PRMT7: variants seen among roughly 807,000 people sequenced by gnomAD.
PRMT7 encodes protein arginine N-methyltransferase 7.
In PRMT7, 75 loss-of-function variants were observed where a neutral mutation model predicts 85.4. The observed-to-expected ratio is 0.88, with a 90% CI of 0.73 to 1.06. PRMT7 has a LOEUF of 1.06. Among genes scored for constraint, PRMT7 ranks in the 50% least tolerant of loss-of-function variants. PRMT7 has a pLI of 0.00. For synonymous variants in PRMT7, 397 were observed against 359.5 expected (o/e 1.10, Z -1.18); for missense variants, 868 against 915.2 (o/e 0.95, Z 0.67).
chr16:68,349,112 A>G (rs1406704689), intron 14 of PRMT7, among the ~76,000 whole-genome samples: 1 of 152,138 alleles, frequency 6.6e-6, no homozygotes, highest in Non-Finnish European at 1.5e-5. Context: ...TGCTTCTGCC[A>G]GCAACCTCGT....
At chr16:68,347,354 G>A in intron 12 of PRMT7, 60 bp downstream of exon 12, 1 of 1,454,940 alleles carries the variant, frequency 6.9e-7, no homozygotes, top group Admixed American at 2.4e-5. Flanking sequence ...AGCATTGCGT[G>A]GTCCGGGTGC....
At chr16:68,348,625 A>G (rs1472301722) in intron 14 of PRMT7, among the ~76,000 whole-genome samples, 194 bp downstream of exon 14, 28 of 137,708 alleles carry the variant, frequency 2.0e-4, no homozygotes, top group African/African-American at 7.5e-4. Flanking sequence ...AGATGGTTGC[A>G]CTGCTCTTTT....
intron 13 of PRMT7, among the ~76,000 whole-genome samples, chr16:68,347,920 T>G (rs1187830227): frequency 2.0e-5 from 3 of 152,254 alleles, no homozygotes; most frequent in African/African-American, 4.8e-5. Context: ...TTTTCCTCAC[T>G]TCACATAAGC....
Position 68,353,536 on chromosome 16 carries a change from C to T in PRMT7, c.1620C>T (p.Phe540=), listed in dbSNP as rs772557536. Residue 540 remains phenylalanine, a synonymous_variant, in exon 16 of 19, where the codon TTC becomes TTT. Transcript: ENST00000441236. ...IRSPCGDCEG[F]DVHIMDDMIK... is the part of the protein sequence containing the mutation. ...GCCCCTGTGGTGACTGCGAAGGCTTCGACGTGCACATCATGGACGACATGA... is the reference window on the plus strand; with the variant it reads ...GCCCCTGTGGTGACTGCGAAGGCTTTGACGTGCACATCATGGACGACATGA... The T allele has an allele frequency of 4.4e-5, 70 of 1,601,128 alleles. No homozygotes were observed. The highest frequency in any genetic ancestry group is 5.7e-5 in the Non-Finnish European group (67 of 1,174,180).
intron 2 of PRMT7, among the ~76,000 whole-genome samples, chr16:68,314,681 T>C (rs1336397586): frequency 6.6e-6 from 1 of 152,222 alleles, no homozygotes; most frequent in African/African-American, 2.4e-5. Context: ...GATGCACCAA[T>C]GTTTAACAAG....
At chr16:68,338,859 G>A (rs1224970659) in intron 7 of PRMT7, among the ~76,000 whole-genome samples, 2 of 152,160 alleles carry the variant, frequency 1.3e-5, no homozygotes, top group East Asian at 3.9e-4. Context: ...GCCGGACAAG[G>A]AGCCGGAGCC....
intron 14 of PRMT7, among the ~76,000 whole-genome samples, chr16:68,349,210 G>A (rs890204796): frequency 6.6e-5 from 10 of 152,080 alleles, no homozygotes; most frequent in Non-Finnish European, 1.2e-4. Flanking sequence ...TGGGGAGGTC[G>A]CTTTCCCCTC....
chr16:68,356,660 C>CT lies in PRMT7; in HGVS notation c.1812-39dup, dbSNP rs760728253. ...AGCTGCAGCTGTTCCCCCGCTGCCT[C>CT]TTGTGTGACTACTTCTGCTGGGCCC... On this transcript the variant is annotated intron_variant, in intron 17 of 18. Transcript: ENST00000441236. 5.9e-6 allele frequency: 9 copies of CT among 1,521,880 alleles called. No individual in the cohort carries two copies. The African/African-American group carries it at 1.2e-4, about 21-fold the overall frequency. 94.3% of individuals were successfully genotyped at this position (1,521,880 alleles called of 1,614,324 possible).
chr16:68,337,005 G>C (rs2084791868), intron 6 of PRMT7, among the ~76,000 whole-genome samples: 2 of 152,224 alleles, frequency 1.3e-5, no homozygotes, highest in East Asian at 3.9e-4. Context: ...CTCCTGCCTT[G>C]GCCTCCCAAA....
intron 3 of PRMT7, among the ~76,000 whole-genome samples, chr16:68,319,711 A>AGTGTGTGT (rs369478826): frequency 0.019 from 2,667 of 141,522 alleles, 44 homozygotes; most frequent in Middle Eastern, 0.042. Context: ...TAAGAGTGAG[A>AGTGTGTGT]GTGTGTGTGT....
intron 12 of PRMT7, 43 bp from the exon 13 acceptor site, chr16:68,347,588 T>A (rs1367333616): frequency 6.3e-7 from 1 of 1,584,472 alleles, no homozygotes; most frequent in South Asian, 1.1e-5. Context: ...TTCTTCTCTG[T>A]TAAGTGAATA....
At position 68,339,526 on chromosome 16, in the gene PRMT7, G is replaced by T. The variant is rs144242458; in HGVS notation, c.709G>T (p.Asp237Tyr). Residue 237 changes from aspartate to tyrosine, a missense_variant, in exon 8 of 19, where the codon GAC becomes TAC. Coordinates refer to ENST00000441236, the MANE Select transcript of PRMT7 (RefSeq NM_019023.5). ...TCAGCTGAACCAGGTGTCACCAGCC[G>T]ACTTTACAGTCCTCAGCGATGTGCT... ...DIQLNQVSPADFTVLSDVLPM... is the reference protein window; with the variant it reads ...DIQLNQVSPAYFTVLSDVLPM... The T allele has an allele frequency of 1.2e-6, 2 of 1,614,080 alleles. No individual in the cohort carries two copies. The highest frequency in any genetic ancestry group is 1.7e-6 in the Non-Finnish European group (2 of 1,180,046).
At chr16:68,346,508 G>T (rs761209716) in intron 11 of PRMT7, among the ~76,000 whole-genome samples, 1 of 152,100 alleles carries the variant, frequency 6.6e-6, no homozygotes, top group African/African-American at 2.4e-5. Context: ...CTCTGGCTGG[G>T]CTCCTGCTGG....
At chr16:68,356,837 T>C (rs2088630964) in intron 18 of PRMT7, 40 bp downstream of exon 18, 3 of 1,566,624 alleles carry the variant, frequency 1.9e-6, no homozygotes, top group Non-Finnish European at 2.6e-6. Flanking sequence ...GTGCAGACCC[T>C]GAGAGCAGGC....
Position 68,333,156 on chromosome 16 carries a change from C to G in PRMT7, c.391+3982C>G, listed in dbSNP as rs541269193. Among the ~76,000 whole-genome samples the G allele has an allele frequency of 7.2e-5, 11 of 152,236 alleles. No individual in the cohort carries two copies. In the East Asian group the frequency reaches 1.9e-3, roughly 27 times the overall value. ...CACAGGCAGGCGCCACCATACCCAA[C>G]TAATTTTTTTGTTTTTTTAAATTTT... On this transcript the variant is annotated intron_variant, in intron 6 of 18. Coordinates refer to ENST00000441236, the MANE Select transcript of PRMT7 (RefSeq NM_019023.5).
intron 4 of PRMT7, 160 bp downstream of exon 4, chr16:68,321,622 C>G: frequency 3.3e-6 from 2 of 614,148 alleles, no homozygotes; most frequent in Admixed American, 6.6e-5. Flanking sequence ...CTACTTCTGG[C>G]TCTATTTTTG....
In PRMT7 at chr16:68,316,492, G is replaced by A. The variant is rs191893534; in HGVS notation, c.95+418G>A. 4.3e-3 allele frequency among the ~76,000 whole-genome samples: 659 copies of A among 152,076 alleles called. 7 individuals carry two copies. Among genetic ancestry groups the A allele is most frequent in the African/African-American group, 0.016 (644 of 41,492 alleles). On this transcript the variant is annotated intron_variant, in intron 3 of 18. Transcript: ENST00000441236. ...AAAGTATGTGAGTTGTTGGCCAGGCGCAGTGGCTCACGCCTCTAATCCTAG... is the reference window on the plus strand; with the variant it reads ...AAAGTATGTGAGTTGTTGGCCAGGCACAGTGGCTCACGCCTCTAATCCTAG...
intron 2 of PRMT7, among the ~76,000 whole-genome samples, chr16:68,314,853 T>C (rs2044478101): frequency 6.6e-6 from 1 of 152,274 alleles, no homozygotes; most frequent in South Asian, 2.1e-4. Flanking sequence ...ATACAAGACG[T>C]GAATCTGGTG....
intron 11 of PRMT7, among the ~76,000 whole-genome samples, chr16:68,346,999 G>A (rs1225247732): frequency 6.6e-6 from 1 of 152,120 alleles, no homozygotes; most frequent in Non-Finnish European, 1.5e-5. Flanking sequence ...GCTGGGTTGA[G>A]GGGTGTCTTT....
Sources: allele counts gnomAD v4.1 joint callset (sites outside exome capture counted in the v4.1 genomes callset), GRCh38; gene constraint gnomAD v4.1.1; transcripts MANE v1.5; gene names NCBI Gene and HGNC (gene_info 2026-07-23, HGNC 2026-07-21).